PCDHA1: variants seen among roughly 807,000 people sequenced by gnomAD.
The protein encoded by PCDHA1 is protocadherin alpha 1.
Under a neutral mutation model 61.3 loss-of-function variants are expected in PCDHA1, and 42 were observed. The observed-to-expected ratio is 0.69, with a 90% CI of 0.54 to 0.89. The LOEUF (loss-of-function observed/expected upper bound fraction) is 0.89. Ranked by LOEUF, PCDHA1 falls within the 40% of genes least tolerant of loss-of-function variation. The probability of loss-of-function intolerance (pLI) is 0.00; values close to 1 mark genes in which losing one functional copy is unlikely to be tolerated. For missense variants in PCDHA1, 1,256 were observed against 1,235.3 expected, an observed-to-expected ratio of 1.02 and a Z score of -0.25; for synonymous variants, 610 against 553.8, an observed-to-expected ratio of 1.10 and a Z score of -1.43.
chr5:140,789,093 C>G (rs1057090889), intron 1 of PCDHA1, among the ~76,000 whole-genome samples: 5 of 152,236 alleles, frequency 3.3e-5, no homozygotes, highest in African/African-American at 4.8e-5. Flanking sequence ...CATCTGCCTT[C>G]CCTTTACGTG....
intron 1 of PCDHA1, chr5:140,803,121 GC>G (rs1315934229): frequency 6.2e-7 from 1 of 1,613,644 alleles, no homozygotes; most frequent in African/African-American, 1.3e-5. Context: ...CGAGGTGGAC[GC>G]CCCGCGCCAT....
chr5:140,869,739 A>G lies in PCDHA1; in HGVS notation c.2394+81055A>G, dbSNP rs541641507. 5 of 1,613,386 alleles carry G rather than the reference A, an allele frequency of 3.1e-6. No individual in the cohort carries two copies. In the South Asian group the frequency reaches 5.5e-5, roughly 18 times the overall value. Reference sequence around the variant, plus strand: ...AAACTCCGGAACTTAATTTGCTGCTAACAGCTACAGACGGGGGAAAACCAG... The same window carrying G: ...AAACTCCGGAACTTAATTTGCTGCTGACAGCTACAGACGGGGGAAAACCAG... On this transcript the variant is annotated intron_variant, in intron 1 of 3. Transcript: ENST00000504120.
At chr5:140,884,193 C>T (rs1554181316) in intron 1 of PCDHA1, 2 of 1,613,432 alleles carry the variant, frequency 1.2e-6, no homozygotes, top group African/African-American at 1.3e-5. Flanking sequence ...GAGGTGGACG[C>T]GCCGCACCAC....
intron 1 of PCDHA1, chr5:140,828,616 C>T (rs782081687): frequency 6.2e-7 from 1 of 1,614,024 alleles, no homozygotes; most frequent in Non-Finnish European, 8.5e-7. Context: ...TCAGTTCTAG[C>T]GAATACTTCG....
rs1554263795 is a variant in PCDHA1 at position 141,012,061 on chromosome 5, C to T, written c.*2124C>T. 1 of 153,730 alleles carries T rather than the reference C, an allele frequency of 6.5e-6. No homozygotes were observed. The highest frequency in any genetic ancestry group is 1.9e-4 in the East Asian group (1 of 5,194). The allele number at this position is 153,730 out of a possible 1,614,324, so 9.5% of individuals were successfully genotyped here. A position where few individuals can be genotyped will look rare whatever the true frequency, so the allele number is the denominator to read the frequency against. The stretch of plus-strand genomic sequence containing the variant: ...CATGGGGTAAAACTTGTTACCAACA[C>T]ATGTGAACCATTGCTACATTGTAGG... On this transcript the variant is annotated 3_prime_UTR_variant, in exon 4 of 4. Coordinates refer to ENST00000504120, the MANE Select transcript of PCDHA1 (RefSeq NM_018900.4).
At chr5:140,949,694 G>C (rs1447787366) in intron 1 of PCDHA1, among the ~76,000 whole-genome samples, 1 of 151,590 alleles carries the variant, frequency 6.6e-6, no homozygotes, top group Non-Finnish European at 1.5e-5. Context: ...CGTATTGTTG[G>C]ATCTTGCTGT....
intron 1 of PCDHA1, chr5:140,797,573 A>G (rs1581627263): frequency 3.1e-6 from 2 of 645,776 alleles, no homozygotes; most frequent in East Asian, 2.8e-5. Context: ...TGGCACTTCC[A>G]TCATTAAGTC....
intron 1 of PCDHA1, chr5:140,796,441 T>C (rs1344009372): frequency 6.2e-7 from 1 of 1,613,318 alleles, no homozygotes. Flanking sequence ...GGTGTCCTAC[T>C]CGCTGGTGGA....
intron 3 of PCDHA1, among the ~76,000 whole-genome samples, chr5:141,005,018 T>G (rs2098193299): frequency 6.6e-6 from 1 of 152,250 alleles, no homozygotes; most frequent in Non-Finnish European, 1.5e-5. Context: ...AGCTGCATTA[T>G]ATATAATTGC....
intron 1 of PCDHA1, among the ~76,000 whole-genome samples, chr5:140,831,600 T>G (rs1316984188): frequency 2.0e-5 from 3 of 150,404 alleles, no homozygotes; most frequent in Non-Finnish European, 2.9e-5. Flanking sequence ...TGGGTGCAAG[T>G]GATCTGCCCA....
intron 1 of PCDHA1, chr5:140,807,893 A>G (rs1764055022): frequency 6.2e-7 from 1 of 1,613,990 alleles, no homozygotes; most frequent in African/African-American, 1.3e-5. Context: ...ACTGGATGCC[A>G]ATGACAATGC....
At chr5:140,970,121 G>C (rs1230320134) in intron 1 of PCDHA1, among the ~76,000 whole-genome samples, 1 of 152,184 alleles carries the variant, frequency 6.6e-6, no homozygotes, top group Non-Finnish European at 1.5e-5. Flanking sequence ...GCTGGGATTA[G>C]AAGGAAGAGA....
At chr5:140,841,138 C>T (rs2150311495) in intron 1 of PCDHA1, 1 of 713,754 alleles carries the variant, frequency 1.4e-6, no homozygotes, top group Non-Finnish European at 2.3e-6. Context: ...TTTGAAGCCA[C>T]ATGATGTCGC....
intron 1 of PCDHA1, chr5:140,797,579 A>C (rs188105891): frequency 4.9e-4 from 303 of 624,532 alleles, no homozygotes; most frequent in Admixed American, 3.3e-5. Context: ...TTCCATCATT[A>C]AGTCATAAGT....
intron 1 of PCDHA1, among the ~76,000 whole-genome samples, chr5:140,941,255 C>CTTTCTTTCTCTT (rs782490896): frequency 9.0e-5 from 4 of 44,506 alleles, no homozygotes; most frequent in Non-Finnish European, 1.5e-4. Flanking sequence ...TTCTTTCTTT[C>CTTTCTTTCTCTT]TCTTTCTTTC....
intron 1 of PCDHA1, chr5:140,827,876 G>T: frequency 1.5e-6 from 1 of 646,280 alleles, no homozygotes; most frequent in East Asian, 2.7e-5. Context: ...GCACTGTTAC[G>T]TGAATTGATT....
At chr5:140,935,996 G>C (rs145363850) in intron 1 of PCDHA1, among the ~76,000 whole-genome samples, 1,644 of 150,942 alleles carry the variant, frequency 0.011, 22 homozygotes, top group African/African-American at 0.037. Flanking sequence ...GGGTTCAAGC[G>C]ATTCTCCCAC....
intron 1 of PCDHA1, chr5:140,867,037 T>C (rs1167495486): frequency 2.0e-5 from 3 of 152,162 alleles, no homozygotes; most frequent in African/African-American, 7.2e-5. Flanking sequence ...CTTTTATGAC[T>C]TGGCGTTTGT....
intron 1 of PCDHA1, among the ~76,000 whole-genome samples, chr5:140,938,620 C>G (rs571731816): frequency 1.3e-5 from 2 of 152,172 alleles, no homozygotes; most frequent in African/African-American, 4.8e-5. Context: ...GGAATAAACT[C>G]AGGTTGCTTA....
Sources: gnomAD v4.1 joint callset for allele counts (sites outside exome capture counted in the v4.1 genomes callset) on GRCh38, gnomAD v4.1.1 for gene constraint, MANE v1.5 for transcripts, NCBI Gene and HGNC (gene_info 2026-07-23, HGNC 2026-07-21) for gene names.